The following TXNL4A variants were observed in gnomAD, a reference collection of about 807,000 sequenced individuals.
TXNL4A encodes the protein thioredoxin like 4A.
Under a neutral mutation model 14.6 loss-of-function variants are expected in TXNL4A, and 17 were observed. That is an observed-to-expected ratio of 1.16 (90% confidence interval 0.80 to 1.74). TXNL4A has a LOEUF of 1.74. Ranked by LOEUF, TXNL4A falls within the 40% of genes most tolerant of loss-of-function variation. TXNL4A has a pLI of 0.00. For synonymous variants in TXNL4A, 83 were observed against 70.6 expected (o/e 1.18, Z -0.88); for missense variants, 74 against 195.2 (o/e 0.38, Z 3.70).
chr18:79,987,859 T>C (rs1463985320), intron 1 of TXNL4A, among the ~76,000 whole-genome samples: 1 of 152,172 alleles, frequency 6.6e-6, no homozygotes, highest in Admixed American at 6.5e-5. Context: ...ATACAACGAA[T>C]AACTCAGGTA....
intron 1 of TXNL4A, among the ~76,000 whole-genome samples, chr18:80,019,269 G>A (rs1338916549): frequency 1.3e-5 from 2 of 152,212 alleles, no homozygotes; most frequent in Non-Finnish European, 2.9e-5. Flanking sequence ...AAATGGCTGG[G>A]GAGGTCTCAA....
rs370048561 is a variant in TXNL4A at position 80,026,521 on chromosome 18, T to C, written c.-61+7330A>G. 3.9e-5 allele frequency among the ~76,000 whole-genome samples: 6 copies of C among 152,194 alleles called. No homozygotes were observed. The East Asian group carries it at 5.8e-4, about 15-fold the overall frequency. ...CTGAGGGAGATTAATATAATAACCATGAGCTGACAACTGCCTTTATTGACA... is the reference window on the plus strand; with the variant it reads ...CTGAGGGAGATTAATATAATAACCACGAGCTGACAACTGCCTTTATTGACA... On this transcript the variant is annotated intron_variant, in intron 1 of 2. Coordinates refer to the TXNL4A transcript ENST00000585474.
intron 1 of TXNL4A, among the ~76,000 whole-genome samples, chr18:80,028,872 C>T (rs1304169380): frequency 6.6e-6 from 1 of 152,194 alleles, no homozygotes; most frequent in Admixed American, 6.5e-5. Context: ...CTGTTAGAAG[C>T]TATTCTAAAA....
At chr18:80,025,562 A>G (rs1048180637) in intron 1 of TXNL4A, among the ~76,000 whole-genome samples, 3 of 152,334 alleles carry the variant, frequency 2.0e-5, no homozygotes, top group Middle Eastern at 3.4e-3. Flanking sequence ...TGACCACCCC[A>G]TTTTGGGAAC....
chr18:79,990,725 T>G (rs2051621535), upstream of TXNL4A, among the ~76,000 whole-genome samples: 1 of 152,200 alleles, frequency 6.6e-6, no homozygotes, highest in Non-Finnish European at 1.5e-5. Flanking sequence ...ATAACAAGAT[T>G]TATCGCCTTA....
intron 2 of TXNL4A, among the ~76,000 whole-genome samples, chr18:79,974,553 A>G (rs2051350156): frequency 6.6e-6 from 1 of 152,198 alleles, no homozygotes; most frequent in Non-Finnish European, 1.5e-5. Flanking sequence ...GCTAGGGCAT[A>G]GTGGCAAAAT....
intron 1 of TXNL4A, among the ~76,000 whole-genome samples, chr18:80,024,788 C>T (rs768682023): frequency 6.6e-6 from 1 of 152,176 alleles, no homozygotes; most frequent in Non-Finnish European, 1.5e-5. Flanking sequence ...CACACTTGTG[C>T]CAGGTAGCCG....
At chr18:79,986,244 C>T (rs2145083763) in intron 1 of TXNL4A, among the ~76,000 whole-genome samples, 1 of 152,284 alleles carries the variant, frequency 6.6e-6, no homozygotes, top group South Asian at 2.1e-4. Flanking sequence ...CCATATTGTC[C>T]AGGCTGGTCT....
At chr18:80,020,350 G>C (rs900273047) in intron 1 of TXNL4A, among the ~76,000 whole-genome samples, 1 of 152,180 alleles carries the variant, frequency 6.6e-6, no homozygotes, top group Non-Finnish European at 1.5e-5. Context: ...CTTGATATTT[G>C]AGGAGGTGAT....
chr18:80,014,713 C>A (rs558002128), intron 1 of TXNL4A, among the ~76,000 whole-genome samples: 1 of 152,290 alleles, frequency 6.6e-6, no homozygotes, highest in South Asian at 2.1e-4. Flanking sequence ...GGATTCTGGC[C>A]CTCTTCTCAC....
At chr18:79,987,118 G>A (rs1035691988) in intron 1 of TXNL4A, among the ~76,000 whole-genome samples, 5 of 152,134 alleles carry the variant, frequency 3.3e-5, no homozygotes, top group Admixed American at 6.6e-5. Flanking sequence ...AGAATTCCCT[G>A]AGGGGCTTCT....
At chr18:80,033,890 G>C (rs2051946539) in exon 1 of TXNL4A, 1 of 143,640 alleles carries the variant, frequency 7.0e-6, no homozygotes, top group Non-Finnish European at 1.5e-5. Context: ...CGCTCGCTTC[G>C]CTCTGGTAGT....
chr18:80,030,103 C>A (rs905492292), intron 1 of TXNL4A, among the ~76,000 whole-genome samples: 14 of 152,322 alleles, frequency 9.2e-5, no homozygotes, highest in Admixed American at 7.2e-4. Flanking sequence ...TAAGGCACAA[C>A]CTCCTGAGTG....
At chr18:79,978,603 C>T (rs2051415467) in intron 1 of TXNL4A, among the ~76,000 whole-genome samples, 1 of 151,970 alleles carries the variant, frequency 6.6e-6, no homozygotes, top group Non-Finnish European at 1.5e-5. Context: ...AAGCGATCCT[C>T]CCATCTCCGC....
rs371016834 is a variant in TXNL4A at position 79,994,522 on chromosome 18, A to C, written c.-60-16821T>G. ...CAATCGAGAACTCTCTAATCGTTTT[A>C]TCTCTCTTAAAGCAATCCTCCCAGG... is the stretch of plus-strand genomic sequence containing the variant. On this transcript the variant is annotated intron_variant, in intron 1 of 2. Transcript: ENST00000585474. Among the ~76,000 whole-genome samples, 12 of 143,228 alleles carry C rather than the reference A, an allele frequency of 8.4e-5. No individual in the cohort carries two copies. In the South Asian group the frequency reaches 1.3e-3, roughly 16 times the overall value. The allele number at this position is 143,228 out of a possible 152,430, so 94.0% of individuals were successfully genotyped here. A position where few individuals can be genotyped will look rare whatever the true frequency, so the allele number is the denominator to read the frequency against.
At chr18:80,003,201 C>G (rs1458237888) in intron 1 of TXNL4A, among the ~76,000 whole-genome samples, 1 of 152,206 alleles carries the variant, frequency 6.6e-6, no homozygotes, top group Non-Finnish European at 1.5e-5. Flanking sequence ...CGCTGGGTGG[C>G]TAGGATAGGC....
intron 1 of TXNL4A, among the ~76,000 whole-genome samples, chr18:80,021,658 A>T (rs1365032612): frequency 2.0e-5 from 3 of 152,210 alleles, no homozygotes; most frequent in Non-Finnish European, 4.4e-5. Context: ...AACAAGATGG[A>T]GGTTCTGAAC....
At chr18:80,031,277 T>C (rs1270595383) in intron 1 of TXNL4A, among the ~76,000 whole-genome samples, 1 of 152,214 alleles carries the variant, frequency 6.6e-6, no homozygotes, top group Middle Eastern at 3.2e-3. Flanking sequence ...GAGAATGTTG[T>C]GACCACATTA....
At chr18:79,997,745 C>T (rs1489049114) in intron 1 of TXNL4A, among the ~76,000 whole-genome samples, 1 of 152,174 alleles carries the variant, frequency 6.6e-6, no homozygotes, top group South Asian at 2.1e-4. Context: ...ATGTAGGTGA[C>T]CTTCTTTGTT....
Sources: allele counts gnomAD v4.1 joint callset (sites outside exome capture counted in the v4.1 genomes callset), GRCh38; gene constraint gnomAD v4.1.1; transcripts MANE v1.5; gene names NCBI Gene and HGNC (gene_info 2026-07-23, HGNC 2026-07-21).